Variants in PPP2R2B observed in about 807,000 individuals in gnomAD.
PPP2R2B encodes serine/threonine-protein phosphatase 2A 55 kDa regulatory subunit B beta isoform.
PPP2R2B carries 5 observed loss-of-function variants against 46.0 expected under a neutral mutation model. That is an observed-to-expected ratio of 0.11 (90% confidence interval 0.06 to 0.23). The LOEUF is 0.23. PPP2R2B is among the 10% of genes least tolerant of loss of function. The pLI is 1.00. For missense variants in PPP2R2B, 367 were observed against 575.0 expected (o/e 0.64, Z 3.70); for synonymous variants, 215 against 206.7 (o/e 1.04, Z -0.34).
At chr5:146,922,526 T>G (rs1429897992) in intron 1 of PPP2R2B, 1 of 152,204 alleles carries the variant, frequency 6.6e-6, no homozygotes, top group Non-Finnish European at 1.5e-5. Flanking sequence ...CATCCTAGAC[T>G]CCACAGCACA....
intron 1 of PPP2R2B, among the ~76,000 whole-genome samples, chr5:146,948,789 C>T (rs1401513647): frequency 1.3e-5 from 2 of 152,008 alleles, no homozygotes; most frequent in Non-Finnish European, 2.9e-5. Flanking sequence ...TCAAGAGGCT[C>T]ATGGTTTAGT....
At chr5:146,665,627 T>C (rs1466751353) in intron 5 of PPP2R2B, among the ~76,000 whole-genome samples, 2 of 152,226 alleles carry the variant, frequency 1.3e-5, no homozygotes, top group Non-Finnish European at 2.9e-5. Flanking sequence ...TTTAATTTCC[T>C]CCAAGAACTT....
Position 146,687,073 on chromosome 5 carries a change from GGAGGGAGAGA to G in PPP2R2B, c.447+4045_447+4054del, listed in dbSNP as rs1321561949. Reference sequence around the variant, plus strand: ...ACAGTGGTAGCGGGGAGTGGTGGGGGGAGGGAGAGAGAGGGAGAGGAAGAGAGGGAGAGGG... The same window carrying G: ...ACAGTGGTAGCGGGGAGTGGTGGGGGGAGGGAGAGGAAGAGAGGGAGAGGG... On this transcript the variant is annotated intron_variant, in intron 5 of 9. Transcript: ENST00000394411. 2.0e-5 allele frequency among the ~76,000 whole-genome samples: 3 copies of G among 151,576 alleles called. No homozygotes were observed. In the East Asian group the frequency reaches 5.8e-4, roughly 29 times the overall value.
chr5:147,075,077 C>T (rs1438619217), intron 2 of PPP2R2B, among the ~76,000 whole-genome samples: 1 of 152,068 alleles, frequency 6.6e-6, no homozygotes, highest in Non-Finnish European at 1.5e-5. Flanking sequence ...AGAAACTGCA[C>T]CAGATAATTC....
At chr5:146,867,187 A>G (rs2151403355) in intron 2 of PPP2R2B, among the ~76,000 whole-genome samples, 1 of 152,320 alleles carries the variant, frequency 6.6e-6, no homozygotes, top group African/African-American at 2.4e-5. Flanking sequence ...AAAATTGGGG[A>G]ACAATTACAA....
chr5:146,719,494 C>T lies in PPP2R2B; in HGVS notation c.71-18352G>A, dbSNP rs190092837. 9.9e-5 allele frequency among the ~76,000 whole-genome samples: 15 copies of T among 152,244 alleles called. No individual in the cohort carries two copies. The Middle Eastern group carries it at 0.01, about 104-fold the overall frequency. ...CTGTAAAATAAGAATAATATTGGTA[C>T]CATTTTGGAGGGGAATTATGAGGAT... On this transcript the variant is annotated intron_variant, in intron 2 of 9. Transcript: ENST00000394411.
At position 146,789,907 on chromosome 5, in the gene PPP2R2B, G is replaced by A. The variant is rs150212505; in HGVS notation, c.70+88095C>T. 8.5e-4 allele frequency among the ~76,000 whole-genome samples: 129 copies of A among 152,310 alleles called. 1 individual carries two copies. The highest frequency in any genetic ancestry group is 2.9e-3 in the African/African-American group (122 of 41,556). ...GATGTAGCAGATGGTCAGGCAGGCAGGGGCCAGATCAGGGAGACAGAGAAC... is the reference window on the plus strand; with the variant it reads ...GATGTAGCAGATGGTCAGGCAGGCAAGGGCCAGATCAGGGAGACAGAGAAC... On this transcript the variant is annotated intron_variant, in intron 2 of 9. Coordinates refer to ENST00000394411, the MANE Select transcript of PPP2R2B (RefSeq NM_181675.4).
chr5:146,813,283 A>G (rs1277374646), intron 2 of PPP2R2B, among the ~76,000 whole-genome samples: 2 of 152,042 alleles, frequency 1.3e-5, no homozygotes, highest in African/African-American at 2.4e-5. Context: ...TCACATACCA[A>G]TTCAACTTCT....
rs564760433 is a variant in PPP2R2B at position 146,736,758 on chromosome 5, A to C, written c.71-35616T>G. Among the ~76,000 whole-genome samples, 8 of 152,332 alleles carry C rather than the reference A, an allele frequency of 5.3e-5. No individual in the cohort carries two copies. The East Asian group carries it at 1.5e-3, about 29-fold the overall frequency. On this transcript the variant is annotated intron_variant, in intron 2 of 9. Transcript: ENST00000394411. ...TTACTATTAATACCACCATGAGGGCACAAAAGCAGGATTGCAGCTTTGTGT... is the reference window on the plus strand; with the variant it reads ...TTACTATTAATACCACCATGAGGGCCCAAAAGCAGGATTGCAGCTTTGTGT...
rs548787754 is a variant in PPP2R2B at position 146,645,044 on chromosome 5, T to C, written c.625+5503A>G. Among the ~76,000 whole-genome samples, 3 of 152,322 alleles carry C rather than the reference T, an allele frequency of 2.0e-5. 1 individual carries two copies. In the South Asian group the frequency reaches 6.2e-4, roughly 32 times the overall value. ...GCCAAGCTGAAGAGTGGAATCTATG[T>C]TTACCAGGGTAAAGTACCCACATTC... On this transcript the variant is annotated intron_variant, in intron 6 of 9. Coordinates refer to ENST00000394411, the MANE Select transcript of PPP2R2B (RefSeq NM_181675.4).
intron 8 of PPP2R2B, among the ~76,000 whole-genome samples, chr5:146,595,800 C>T (rs1274983390): frequency 1.3e-5 from 2 of 152,172 alleles, no homozygotes; most frequent in Non-Finnish European, 2.9e-5. Flanking sequence ...AAAACTCATC[C>T]TATTTGATGT....
chr5:146,884,762 A>G (rs577895932), intron 1 of PPP2R2B, among the ~76,000 whole-genome samples: 87 of 152,340 alleles, frequency 5.7e-4, no homozygotes, highest in African/African-American at 1.7e-3. Flanking sequence ...TTTGTTAGGT[A>G]TAAGGTGAGA....
At chr5:146,945,808 G>A (rs766554263) in intron 1 of PPP2R2B, among the ~76,000 whole-genome samples, 3 of 152,170 alleles carry the variant, frequency 2.0e-5, no homozygotes, top group Non-Finnish European at 4.4e-5. Context: ...GAGAAAGAAT[G>A]TTACTGATGG....
chr5:146,799,622 G>A (rs1756745202), intron 2 of PPP2R2B, among the ~76,000 whole-genome samples: 1 of 152,186 alleles, frequency 6.6e-6, no homozygotes, highest in South Asian at 2.1e-4. Flanking sequence ...AAGAGATTCA[G>A]CAAGACTGGG....
intron 8 of PPP2R2B, among the ~76,000 whole-genome samples, 193 bp downstream of exon 8, chr5:146,600,098 A>G (rs144699291): frequency 5.1e-4 from 77 of 152,346 alleles, no homozygotes; most frequent in Non-Finnish European, 9.7e-4. Context: ...TATCAATTAA[A>G]TTGAATTCTA....
intron 5 of PPP2R2B, among the ~76,000 whole-genome samples, chr5:146,676,945 C>A (rs1159857352): frequency 1.3e-5 from 2 of 152,110 alleles, no homozygotes; most frequent in African/African-American, 2.4e-5. Context: ...AGTCCATCTG[C>A]GTAAAGGATT....
chr5:146,971,432 C>T (rs979054009), intron 1 of PPP2R2B, among the ~76,000 whole-genome samples: 2 of 152,088 alleles, frequency 1.3e-5, no homozygotes, highest in Admixed American at 6.6e-5. Context: ...AACTTACGCT[C>T]TATGTTGGGA....
chr5:147,009,898 C>CACACACACACAT (rs781463815), intron 1 of PPP2R2B, among the ~76,000 whole-genome samples: 38 of 145,616 alleles, frequency 2.6e-4, no homozygotes, highest in African/African-American at 9.0e-4. Flanking sequence ...CACACACACA[C>CACACACACACAT]ATATATATAT....
At chr5:146,744,253 C>T (rs1753045335) in intron 2 of PPP2R2B, among the ~76,000 whole-genome samples, 2 of 152,174 alleles carry the variant, frequency 1.3e-5, no homozygotes, top group South Asian at 2.1e-4. Flanking sequence ...TGTGAATGCT[C>T]TTAACATGGC....
Sources: allele counts gnomAD v4.1 joint callset (sites outside exome capture counted in the v4.1 genomes callset), GRCh38; gene constraint gnomAD v4.1.1; transcripts MANE v1.5; gene names NCBI Gene and HGNC (gene_info 2026-07-23, HGNC 2026-07-21).